Variants in SNX14 observed in about 807,000 individuals in gnomAD.
SNX14 encodes the protein sorting nexin 14, also known as sorting nexin-14.
A neutral mutation model predicts 133.8 loss-of-function variants in SNX14; 93 were observed. The observed-to-expected ratio is 0.70, with a 90% confidence interval of 0.59 to 0.83. SNX14 has a LOEUF of 0.83. SNX14 is among the 40% of genes least tolerant of loss of function. The pLI, the probability that SNX14 is intolerant of heterozygous loss-of-function variation, is 0.00. For synonymous variants in SNX14, 368 were observed against 365.6 expected, an observed-to-expected ratio of 1.01 and a Z score of -0.07; for missense variants, 945 against 1,094.9, an observed-to-expected ratio of 0.86 and a Z score of 1.93.
intron 1 of SNX14, among the ~76,000 whole-genome samples, chr6:85,587,521 A>G (rs1014995836): frequency 2.6e-5 from 4 of 152,184 alleles, no homozygotes; most frequent in Non-Finnish European, 5.9e-5. Flanking sequence ...GCTGGAATGT[A>G]GTAGCATGAT....
In SNX14 at chr6:85,589,175, T is replaced by C. The variant is rs562094301; in HGVS notation, c.140+4404A>G. 8.0e-4 allele frequency: 163 copies of C among 204,684 alleles called. 1 individual carries two copies. Among genetic ancestry groups the C allele is most frequent in the Non-Finnish European group, 1.3e-3 (132 of 98,040 alleles). 12.7% of individuals were successfully genotyped at this position (204,684 alleles called of 1,614,324 possible). A position where few individuals can be genotyped will look rare whatever the true frequency, so the allele number is the denominator to read the frequency against. On this transcript the variant is annotated intron_variant, in intron 1 of 28. Coordinates refer to ENST00000314673, the MANE Select transcript of SNX14 (RefSeq NM_153816.6). ...AAGAAGTGAAAAGCAGTCTTGATAA[T>C]TGAAAACCTTCTGCCATATTGTCTA... is the stretch of plus-strand genomic sequence containing the variant.
intron 23 of SNX14, among the ~76,000 whole-genome samples, chr6:85,515,279 A>AAAAAAAAAC (rs1774532752): frequency 6.7e-6 from 1 of 148,746 alleles, no homozygotes; most frequent in African/African-American, 2.5e-5. Flanking sequence ...AAAAAAAAAA[A>AAAAAAAAAC]AAAAAAAACA....
chr6:85,522,876 T>G (rs1256294027), intron 21 of SNX14, among the ~76,000 whole-genome samples: 4 of 152,196 alleles, frequency 2.6e-5, no homozygotes, highest in African/African-American at 9.6e-5. Context: ...CTCTTGTACA[T>G]GCCAGTCCCT....
chr6:85,510,499 T>C (rs1772408792), intron 26 of SNX14, among the ~76,000 whole-genome samples: 1 of 152,252 alleles, frequency 6.6e-6, no homozygotes, highest in Non-Finnish European at 1.5e-5. Flanking sequence ...CAGGATTTCT[T>C]TGTACATTTT....
chr6:85,528,907 C>T (rs1413973966), intron 19 of SNX14, among the ~76,000 whole-genome samples: 1 of 114,460 alleles, frequency 8.7e-6, no homozygotes, highest in Non-Finnish European at 2.1e-5. Flanking sequence ...AAAAAATTAG[C>T]CAGGCGTGGT....
Position 85,507,344 on chromosome 6 carries a change from A to G in SNX14, c.2746-55T>C, listed in dbSNP as rs1190497101. The G allele has an allele frequency of 9.4e-6, 13 of 1,385,332 alleles. No individual in the cohort carries two copies. In the Admixed American group the frequency reaches 2.0e-4, roughly 21 times the overall value. The allele number at this position is 1,385,332 out of a possible 1,614,324, so 85.8% of individuals were successfully genotyped here. On this transcript the variant is annotated intron_variant, in intron 27 of 28. Coordinates refer to ENST00000314673, the MANE Select transcript of SNX14 (RefSeq NM_153816.6). The stretch of plus-strand genomic sequence containing the variant: ...TGTTAAGGCACTAAACACAAAAACC[A>G]TAAAAATGATACACACAAAATTAAA...
At position 85,513,858 on chromosome 6, in the gene SNX14, G is replaced by C. The variant is rs751657931; in HGVS notation, c.2595C>G (p.Leu865=). 1 of 1,612,940 alleles carries C rather than the reference G, an allele frequency of 6.2e-7. No homozygotes were observed. Among genetic ancestry groups the C allele is most frequent in the Non-Finnish European group, 8.5e-7 (1 of 1,179,758 alleles). ...IFCENTEPRS[L]QDKQKGAKQT... Reference sequence around the variant, plus strand: ...GTTTTGCTCCTTTTTGCTTATCTTGGAGAGAGCGAGGTTCAGTGTTTTCAC... The same window carrying C: ...GTTTTGCTCCTTTTTGCTTATCTTGCAGAGAGCGAGGTTCAGTGTTTTCAC... Residue 865 remains leucine, a synonymous_variant, in exon 26 of 29, where the codon CTC becomes CTG. Transcript: ENST00000314673.
chr6:85,529,413 G>GAAGC lies in SNX14; in HGVS notation c.1894+775_1894+778dup, dbSNP rs1779557694. Among the ~76,000 whole-genome samples, 4 of 151,778 alleles carry GAAGC rather than the reference G, an allele frequency of 2.6e-5. No individual in the cohort carries two copies. In the South Asian group the frequency reaches 8.4e-4, roughly 32 times the overall value. On this transcript the variant is annotated intron_variant, in intron 19 of 28. Transcript: ENST00000314673. ...GAAACAAGGGAAGGAAGGAAGGAAG[G>GAAGC]AAGCAAGCATGAATGTGCTTTCTCA...
chr6:85,550,190 G>T (rs1273686173), intron 7 of SNX14, among the ~76,000 whole-genome samples: 1 of 152,170 alleles, frequency 6.6e-6, no homozygotes, highest in African/African-American at 2.4e-5. Flanking sequence ...TTGCAAGGTT[G>T]CAGTGAATGG....
intron 26 of SNX14, among the ~76,000 whole-genome samples, chr6:85,511,187 G>T (rs568297509): frequency 8.6e-6 from 1 of 115,784 alleles, no homozygotes; most frequent in Non-Finnish European, 2.1e-5. Context: ...AATGCAAATA[G>T]TATTTTTTTT....
intron 17 of SNX14, 96 bp downstream of exon 17, chr6:85,536,696 G>A (rs769920519): frequency 5.8e-6 from 7 of 1,205,056 alleles, no homozygotes; most frequent in Non-Finnish European, 8.0e-6. Context: ...AGAATACACA[G>A]ATTCTCCAAA....
At chr6:85,538,991 T>C (rs2128044881) in intron 15 of SNX14, 127 bp from the exon 16 acceptor site, 1 of 650,062 alleles carries the variant, frequency 1.5e-6, no homozygotes, top group South Asian at 3.3e-5. Context: ...GTGTATAACA[T>C]TCATTTTTGC....
chr6:85,545,439 T>C (rs1330732823), intron 12 of SNX14, among the ~76,000 whole-genome samples: 2 of 151,446 alleles, frequency 1.3e-5, no homozygotes, highest in East Asian at 4.2e-4. Context: ...TTCAATCAGA[T>C]AGAAAAAGAT....
At chr6:85,589,103 T>G in intron 1 of SNX14, 1 of 258,444 alleles carries the variant, frequency 3.9e-6, no homozygotes, top group African/African-American at 2.2e-5. Context: ...TCTTCTACCA[T>G]TTGCTTTAGA....
In SNX14 at chr6:85,543,598, G is replaced by T; in HGVS notation, c.1264+7C>A. 6.4e-7 allele frequency: 1 copy of T among 1,562,742 alleles called. No homozygotes were observed. Among genetic ancestry groups the T allele is most frequent in the South Asian group, 1.2e-5 (1 of 83,520 alleles). ...TAAATAAGTCATTCTTATCGTCTTT[G>T]ACTTACTTCTTTGAATCTCTTCTAC... On this transcript the variant is annotated splice_region_variant and intron_variant, in intron 13 of 28. Transcript: ENST00000314673.
intron 1 of SNX14, among the ~76,000 whole-genome samples, chr6:85,577,131 G>A (rs1378135402): frequency 6.6e-6 from 1 of 152,142 alleles, no homozygotes; most frequent in African/African-American, 2.4e-5. Context: ...TGAGCAGAAG[G>A]AGCCAGGTAC....
chr6:85,517,730 T>C, intron 23 of SNX14, 26 bp downstream of exon 23: 1 of 1,559,240 alleles, frequency 6.4e-7, no homozygotes, highest in Non-Finnish European at 8.6e-7. Context: ...TAAAACTTAA[T>C]AGTTCTTTAA....
At chr6:85,544,685 C>T (rs567038091) in intron 12 of SNX14, among the ~76,000 whole-genome samples, 92 of 152,060 alleles carry the variant, frequency 6.1e-4, no homozygotes, top group African/African-American at 2.1e-3. Context: ...CCAGCTACTT[C>T]GGAGGCTGAG....
At chr6:85,513,972 C>T (rs2127799263) in intron 25 of SNX14, 77 bp from the exon 26 acceptor site, 1 of 1,552,806 alleles carries the variant, frequency 6.4e-7, no homozygotes, top group Non-Finnish European at 8.7e-7. Flanking sequence ...AGTAGAAATA[C>T]TAATAAACCA....
Sources: allele counts gnomAD v4.1 joint callset (sites outside exome capture counted in the v4.1 genomes callset), GRCh38; gene constraint gnomAD v4.1.1; transcripts MANE v1.5; gene names NCBI Gene and HGNC (gene_info 2026-07-23, HGNC 2026-07-21).